Variants in PIANP observed in about 807,000 individuals in gnomAD.
PIANP encodes the protein PILR alpha associated neural protein.
PIANP carries 14 observed loss-of-function variants against 28.9 expected under a neutral mutation model. The ratio of observed to expected loss-of-function variants is 0.49; its 90% confidence interval spans 0.32 to 0.76. The LOEUF (loss-of-function observed/expected upper bound fraction) is 0.76. PIANP is among the 30% of genes least tolerant of loss of function. The probability of loss-of-function intolerance (pLI) is 0.03; values close to 1 mark genes in which losing one functional copy is unlikely to be tolerated. For synonymous variants in PIANP, 149 were observed against 156.6 expected, an observed-to-expected ratio of 0.95 and a Z score of 0.36; for missense variants, 322 against 371.8, an observed-to-expected ratio of 0.87 and a Z score of 1.10.
chr12:6,698,826 G>A (rs1482319143), intron 1 of PIANP, among the ~76,000 whole-genome samples: 2 of 152,154 alleles, frequency 1.3e-5, no homozygotes, highest in East Asian at 1.9e-4. Flanking sequence ...TGGGAAAATC[G>A]GGATGGTTGG....
Position 6,700,736 on chromosome 12 carries a change from G to T in PIANP, c.-166C>A. 1 of 150,978 alleles carries T rather than the reference G, an allele frequency of 6.6e-6. No individual in the cohort carries two copies. The highest frequency in any genetic ancestry group is 1.8e-4 in the South Asian group (1 of 5,428). 9.4% of individuals were successfully genotyped at this position (150,978 alleles called of 1,614,324 possible). On this transcript the variant is annotated 5_prime_UTR_variant, in exon 1 of 5. Transcript: ENST00000534837. This position sits in a 1 kb window ranked among gnomAD's most constrained non-coding sequence, Gnocchi z 5.5. Reference sequence around the variant, plus strand: ...AGGTTTGGCCCGCGGCAGGGCGCTGGAGCGGGTGGGGGGCGGGCGCCTGGG... The same window carrying T: ...AGGTTTGGCCCGCGGCAGGGCGCTGTAGCGGGTGGGGGGCGGGCGCCTGGG...
Position 6,697,158 on chromosome 12 carries a change from C to T in PIANP, c.523+129G>A, listed in dbSNP as rs1565456648. 7.5e-7 allele frequency: 1 copy of T among 1,336,286 alleles called. No homozygotes were observed. Among genetic ancestry groups the T allele is most frequent in the South Asian group, 1.4e-5 (1 of 69,306 alleles). 82.8% of individuals were successfully genotyped at this position (1,336,286 alleles called of 1,614,324 possible). ...CTCCGAGAGGGTGTCTTTATCTCTG[C>T]ATCCTGTGCCAGTATAGTGCCTGAC... is the stretch of plus-strand genomic sequence containing the variant. On this transcript the variant is annotated intron_variant, in intron 3 of 4. Transcript: ENST00000534837. The surrounding 1 kb of genome is among the most constrained non-coding windows in gnomAD (Gnocchi z 6.9).
chr12:6,696,453 A>T lies in PIANP; in HGVS notation c.595T>A (p.Phe199Ile), dbSNP rs1959865519. 1.3e-6 allele frequency: 2 copies of T among 1,598,994 alleles called. No individual in the cohort carries two copies. The highest frequency in any genetic ancestry group is 1.1e-5 in the South Asian group (1 of 87,132). ...CTCCTCCCAGCTTACCAGAACTTGA[A>T]GATGATGCCAGTGGCCACGAGAACA... ...IIVLVATGII[F>I]KFCWDRSQKR... The change falls in exon 4 of 5, where the codon TTC (phenylalanine) becomes ATC (isoleucine). Residue 199 changes from phenylalanine (F) to isoleucine (I), a missense_variant. Coordinates refer to ENST00000534837, the MANE Select transcript of PIANP (RefSeq NM_001244014.2). This position sits in a 1 kb window ranked among gnomAD's most constrained non-coding sequence, Gnocchi z 4.0.
At chr12:6,692,311 G>A (rs1355677765), downstream of PIANP, among the ~76,000 whole-genome samples, 3 of 152,166 alleles carry the variant, frequency 2.0e-5, no homozygotes, top group Non-Finnish European at 4.4e-5. Context: ...GATGAGCCAC[G>A]GGTCACACTG....
At chr12:6,698,427 C>G (rs1959944219) in intron 1 of PIANP, 1 of 354,676 alleles carries the variant, frequency 2.8e-6, no homozygotes, top group Admixed American at 4.2e-5. Context: ...AATTTAGAGC[C>G]AAGAACCTTG....
chr12:6,693,085 G>A (rs1388423766), downstream of PIANP, among the ~76,000 whole-genome samples: 2 of 152,068 alleles, frequency 1.3e-5, no homozygotes, highest in African/African-American at 4.8e-5. Context: ...CAACAGCTGA[G>A]AGGCTGATGT....
rs1339195799 is a variant in PIANP at position 6,694,559 on chromosome 12, A to T, written c.*867T>A. On this transcript the variant is annotated 3_prime_UTR_variant, in exon 5 of 5. Transcript: ENST00000534837. This position sits in a 1 kb window ranked among gnomAD's most constrained non-coding sequence, Gnocchi z 6.1. ...AGGTGGGTGGGTGTTCATGAGGGAG[A>T]GAGTGAGCACGCCGCACACCACCAC... The T allele has an allele frequency of 6.5e-6, 1 of 153,638 alleles. No homozygotes were observed. The highest frequency in any genetic ancestry group is 1.5e-5 in the Non-Finnish European group (1 of 68,894). 9.5% of individuals were successfully genotyped at this position (153,638 alleles called of 1,614,324 possible).
chr12:6,693,444 CTG>C (rs1342663495), downstream of PIANP, among the ~76,000 whole-genome samples: 8 of 152,180 alleles, frequency 5.3e-5, no homozygotes, highest in African/African-American at 1.7e-4. Context: ...CTCCCTCCGT[CTG>C]TCTTATCAGG....
chr12:6,693,056 C>T (rs1959736456), downstream of PIANP, among the ~76,000 whole-genome samples: 1 of 152,016 alleles, frequency 6.6e-6, no homozygotes, highest in South Asian at 2.1e-4. Flanking sequence ...TGGGTGGTTA[C>T]CATAGCAATA....
chr12:6,697,860 T>G lies in PIANP; in HGVS notation c.18-68A>C, dbSNP rs938715655. 8.7e-6 allele frequency: 13 copies of G among 1,498,950 alleles called. No individual in the cohort carries two copies. In the African/African-American group the frequency reaches 1.8e-4, roughly 21 times the overall value. 92.9% of individuals were successfully genotyped at this position (1,498,950 alleles called of 1,614,324 possible). A position where few individuals can be genotyped will look rare whatever the true frequency, so the allele number is the denominator to read the frequency against. On this transcript the variant is annotated intron_variant, in intron 2 of 4. Coordinates refer to ENST00000534837, the MANE Select transcript of PIANP (RefSeq NM_001244014.2). The surrounding 1 kb of genome is among the most constrained non-coding windows in gnomAD (Gnocchi z 6.9). ...TGGGCCTATGTGAGGGAGGGACAGG[T>G]TCACACCAGAAACCTCCAGGTTTCC...
downstream of PIANP, among the ~76,000 whole-genome samples, chr12:6,693,064 A>G (rs1302948158): frequency 1.3e-5 from 2 of 152,062 alleles, no homozygotes; most frequent in African/African-American, 4.8e-5. Flanking sequence ...TACCATAGCA[A>G]TAGAGCCTAG....
rs1039842577 is a variant in PIANP at position 6,697,230 on chromosome 12, T to C, written c.523+57A>G. The C allele has an allele frequency of 5.0e-6, 8 of 1,595,088 alleles. No homozygotes were observed. Among genetic ancestry groups the C allele is most frequent in the African/African-American group, 1.4e-5 (1 of 73,674 alleles). ...AGACAAGGCCTCTATTTCTGCCCCT[T>C]GGTGTCTTCACCCAGCCTCCCCATC... is the stretch of plus-strand genomic sequence containing the variant. On this transcript the variant is annotated intron_variant, in intron 3 of 4. Coordinates refer to ENST00000534837, the MANE Select transcript of PIANP (RefSeq NM_001244014.2). The surrounding 1 kb of genome is among the most constrained non-coding windows in gnomAD (Gnocchi z 6.9).
At position 6,694,736 on chromosome 12, in the gene PIANP, AG is replaced by A; in HGVS notation, c.*689del. 1 of 371,408 alleles carries A rather than the reference AG, an allele frequency of 2.7e-6. No homozygotes were observed. 23.0% of individuals were successfully genotyped at this position (371,408 alleles called of 1,614,324 possible). ...TGAGCGGAGCGGTATGGACGGGGAG[AG>A]GGTGCAGGAGCGTGTGCAAATGGCC... On this transcript the variant is annotated 3_prime_UTR_variant, in exon 5 of 5. Transcript: ENST00000534837. This position sits in a 1 kb window ranked among gnomAD's most constrained non-coding sequence, Gnocchi z 6.1.
At chr12:6,693,759 G>A (rs1000914172), downstream of PIANP, 1 of 152,434 alleles carries the variant, frequency 6.6e-6, no homozygotes, top group Non-Finnish European at 1.5e-5. Flanking sequence ...TCCTCTCTAC[G>A]GGGGTCAGAA....
rs1165435208 is a variant in PIANP, at chr12:6,700,404, G to C, written c.-44+210C>G. 1 of 152,418 alleles carries C rather than the reference G, an allele frequency of 6.6e-6. No individual in the cohort carries two copies. The highest frequency in any genetic ancestry group is 2.4e-5 in the African/African-American group (1 of 41,442). 9.4% of individuals were successfully genotyped at this position (152,418 alleles called of 1,614,324 possible). A position where few individuals can be genotyped will look rare whatever the true frequency, so the allele number is the denominator to read the frequency against. On this transcript the variant is annotated intron_variant, in intron 1 of 4. Coordinates refer to ENST00000534837, the MANE Select transcript of PIANP (RefSeq NM_001244014.2). This position sits in a 1 kb window ranked among gnomAD's most constrained non-coding sequence, Gnocchi z 5.5. ...GCCGAGGCGGGATGGAGGCAGCCGC[G>C]GGGACGGGGACGGCTGCGCCAGGGA...
In PIANP at chr12:6,695,017, C is replaced by G. The variant is rs568498966; in HGVS notation, c.*409G>C. 6.4e-7 allele frequency: 1 copy of G among 1,557,242 alleles called. No individual in the cohort carries two copies. The highest frequency in any genetic ancestry group is 8.7e-7 in the Non-Finnish European group (1 of 1,150,168). Reference sequence around the variant, plus strand: ...GGCCCCTTGGCCTCCTGCTTGGCTGCACCCCAACATTGGGGGCATCACAGA... The same window carrying G: ...GGCCCCTTGGCCTCCTGCTTGGCTGGACCCCAACATTGGGGGCATCACAGA... On this transcript the variant is annotated 3_prime_UTR_variant, in exon 5 of 5. Transcript: ENST00000534837. This position sits in a 1 kb window ranked among gnomAD's most constrained non-coding sequence, Gnocchi z 4.2.
At position 6,697,408 on chromosome 12, in the gene PIANP, G is replaced by C; in HGVS notation, c.402C>G (p.Ala134=). Residue 134 remains alanine, a synonymous_variant, in exon 3 of 5, where the codon GCC becomes GCG. Coordinates refer to ENST00000534837, the MANE Select transcript of PIANP (RefSeq NM_001244014.2). The surrounding 1 kb of genome is among the most constrained non-coding windows in gnomAD (Gnocchi z 6.9). ...NPGFLDYGFA[A]PHGLATPHPN... is the part of the protein sequence containing the mutation. ...GGTGTGGGGTTGCGAGCCCATGAGG[G>C]GCTGCAAAACCATAGTCCAGAAATC... 6.2e-7 allele frequency: 1 copy of C among 1,614,040 alleles called. No homozygotes were observed. The highest frequency in any genetic ancestry group is 8.5e-7 in the Non-Finnish European group (1 of 1,179,892).
In PIANP at chr12:6,696,516, G is replaced by T; in HGVS notation, c.532C>A (p.Pro178Thr). ...ATGGTAATTGTGACATAGAGCTGGG[G>T]GTCCACACCTGATTGGGGTGGGAAG... ...LFGGRGEGVDPQLYVTITISI... is the reference protein window; with the variant it reads ...LFGGRGEGVDTQLYVTITISI... Residue 178 changes from proline to threonine, a missense_variant, in exon 4 of 5, where the codon CCC (proline) becomes ACC (threonine). Physicochemically the swap from Pro to Thr is conservative, Grantham distance 38. Transcript: ENST00000534837. The surrounding 1 kb of genome is among the most constrained non-coding windows in gnomAD (Gnocchi z 4.0). 3 of 1,595,154 alleles carry T rather than the reference G, an allele frequency of 1.9e-6. No individual in the cohort carries two copies. The highest frequency in any genetic ancestry group is 2.6e-6 in the Non-Finnish European group (3 of 1,171,242).
rs1959853897 is a variant in PIANP at position 6,696,092 on chromosome 12, A to C, written c.605+351T>G. Among the ~76,000 whole-genome samples the C allele has an allele frequency of 6.6e-6, 1 of 152,140 alleles. No individual in the cohort carries two copies. Among genetic ancestry groups the C allele is most frequent in the Admixed American group, 6.5e-5 (1 of 15,274 alleles). On this transcript the variant is annotated intron_variant, in intron 4 of 4. Coordinates refer to ENST00000534837, the MANE Select transcript of PIANP (RefSeq NM_001244014.2). The surrounding 1 kb of genome is among the most constrained non-coding windows in gnomAD (Gnocchi z 4.0). ...TCCATTATTAAATGTGTGCAAAGAA[A>C]GCTCCAGGTTTTCTTGCTCCCCCCA...
Sources: gnomAD v4.1 joint callset for allele counts (sites outside exome capture counted in the v4.1 genomes callset) on GRCh38, gnomAD v4.1.1 for gene constraint, Gnocchi (gnomAD v3.1) non-coding constraint, MANE v1.5 for transcripts, NCBI Gene and HGNC (gene_info 2026-07-23, HGNC 2026-07-21) for gene names.